ATP6V1A: variants seen among roughly 807,000 people sequenced by gnomAD.
ATP6V1A encodes ATPase H+ transporting V1 subunit A, also known as V-type proton ATPase catalytic subunit A.
ATP6V1A carries 18 observed loss-of-function variants against 70.1 expected under a neutral mutation model. The observed-to-expected ratio is 0.26, with a 90% confidence interval of 0.18 to 0.38. The LOEUF is 0.38. ATP6V1A is among the 10% of genes least tolerant of loss of function. ATP6V1A has a pLI of 1.00. For synonymous variants in ATP6V1A, 232 were observed against 253.8 expected, an observed-to-expected ratio of 0.91 and a Z score of 0.82; for missense variants, 424 against 772.4, an observed-to-expected ratio of 0.55 and a Z score of 5.35.
At chr3:113,778,142 C>A (rs1485904601) in intron 1 of ATP6V1A, among the ~76,000 whole-genome samples, 1 of 152,010 alleles carries the variant, frequency 6.6e-6, no homozygotes, top group African/African-American at 2.4e-5. Flanking sequence ...GTCTGTAGTC[C>A]CAGCACTTTG....
rs1708946714 is a variant in ATP6V1A at position 113,778,804 on chromosome 3, A to C, written c.51A>C (p.Thr17=). 1 of 1,592,830 alleles carries C rather than the reference A, an allele frequency of 6.3e-7. No individual in the cohort carries two copies. ...PKILDEDKES[T]FGYVHGVSGP... The stretch of plus-strand genomic sequence containing the variant: ...TACTCGATGAAGATAAAGAAAGCAC[A>C]TTTGGTTATGTGCATGGGGTCTCAG... The change falls in exon 2 of 15, where the codon ACA becomes ACC. Residue 17 remains threonine, a synonymous_variant. Transcript: ENST00000273398.
chr3:113,762,983 T>C (rs1324476562), intron 1 of ATP6V1A, among the ~76,000 whole-genome samples: 1 of 152,192 alleles, frequency 6.6e-6, no homozygotes, highest in Non-Finnish European at 1.5e-5. Flanking sequence ...ACCAATTTTT[T>C]CCCCATGTTT....
intron 1 of ATP6V1A, among the ~76,000 whole-genome samples, chr3:113,755,556 G>A (rs553759762): frequency 6.6e-6 from 1 of 152,214 alleles, no homozygotes; most frequent in Non-Finnish European, 1.5e-5. Context: ...AGCTGAGATC[G>A]TGCCACTGCA....
At chr3:113,778,871 C>T (rs891064579) in intron 2 of ATP6V1A, 36 bp downstream of exon 2, 1 of 1,343,354 alleles carries the variant, frequency 7.4e-7, no homozygotes, top group Non-Finnish European at 1.0e-6. Flanking sequence ...ATAAGGATAT[C>T]TAACTTTGAT....
chr3:113,755,851 G>A (rs1036796531), intron 1 of ATP6V1A, among the ~76,000 whole-genome samples: 33 of 151,866 alleles, frequency 2.2e-4, no homozygotes, highest in African/African-American at 7.5e-4. Flanking sequence ...GCACCTCTTC[G>A]TATTATTCTG....
chr3:113,769,466 T>C (rs999586802), intron 1 of ATP6V1A, among the ~76,000 whole-genome samples: 6 of 152,184 alleles, frequency 3.9e-5, no homozygotes, highest in Non-Finnish European at 8.8e-5. Context: ...AAATAATGCT[T>C]CATTATCAAT....
chr3:113,753,315 G>C (rs765611839), intron 1 of ATP6V1A, among the ~76,000 whole-genome samples: 1 of 152,180 alleles, frequency 6.6e-6, no homozygotes, highest in Non-Finnish European at 1.5e-5. Context: ...ATGTGGAGAA[G>C]GATTATCTCA....
chr3:113,769,124 T>G (rs1035649811), intron 1 of ATP6V1A, among the ~76,000 whole-genome samples: 2 of 152,252 alleles, frequency 1.3e-5, no homozygotes, highest in Non-Finnish European at 2.9e-5. Context: ...TAAGCCATTC[T>G]AATAGGATTG....
intron 1 of ATP6V1A, among the ~76,000 whole-genome samples, chr3:113,769,741 C>T (rs1460328985): frequency 6.6e-6 from 1 of 152,160 alleles, no homozygotes; most frequent in African/African-American, 2.4e-5. Flanking sequence ...GCTGATGACT[C>T]ATTAACTCAG....
chr3:113,772,976 C>T (rs1205723948), intron 1 of ATP6V1A, among the ~76,000 whole-genome samples: 1 of 113,476 alleles, frequency 8.8e-6, no homozygotes, highest in East Asian at 3.0e-4. Flanking sequence ...CTCACTCTGT[C>T]ACCCAGGCTA....
chr3:113,789,409 C>T (rs1256763645), intron 7 of ATP6V1A, among the ~76,000 whole-genome samples: 1 of 152,010 alleles, frequency 6.6e-6, no homozygotes, highest in Non-Finnish European at 1.5e-5. Context: ...GTGGTTTTTA[C>T]TTATTGAGAG....
chr3:113,805,301 A>C, intron 13 of ATP6V1A, 53 bp from the exon 14 acceptor site: 438 of 1,534,486 alleles, frequency 2.9e-4, no homozygotes, highest in Non-Finnish European at 3.6e-4. Flanking sequence ...ATAAAGTATG[A>C]ACCTGTTTTG....
intron 12 of ATP6V1A, among the ~76,000 whole-genome samples, chr3:113,799,957 C>A (rs147480881): frequency 6.6e-6 from 1 of 152,118 alleles, no homozygotes; most frequent in Non-Finnish European, 1.5e-5. Flanking sequence ...CTCAGCCAGG[C>A]GTGGTGGCTC....
At chr3:113,762,290 T>G (rs1228885792) in intron 1 of ATP6V1A, among the ~76,000 whole-genome samples, 2 of 151,362 alleles carry the variant, frequency 1.3e-5, no homozygotes, top group Non-Finnish European at 2.9e-5. Context: ...TAAAGTTGGC[T>G]GGGCACAGCA....
intron 2 of ATP6V1A, 33 bp from the exon 3 acceptor site, chr3:113,781,017 T>C (rs1477464602): frequency 1.9e-6 from 3 of 1,574,180 alleles, no homozygotes. Flanking sequence ...ACTAGAGTCT[T>C]AAGTCATCAA....
At position 113,777,794 on chromosome 3, in the gene ATP6V1A, G is replaced by T. The variant is rs557347341; in HGVS notation, c.-13-947G>T. Among the ~76,000 whole-genome samples the T allele has an allele frequency of 1.4e-4, 22 of 152,290 alleles. 3 individuals carry two copies. In the South Asian group the frequency reaches 4.4e-3, roughly 30 times the overall value. On this transcript the variant is annotated intron_variant, in intron 1 of 14. Coordinates refer to ENST00000273398, the MANE Select transcript of ATP6V1A (RefSeq NM_001690.4). The stretch of plus-strand genomic sequence containing the variant: ...GAGGTGTAGGAGCAGATACCTTGGA[G>T]AATAACATTCTAAGCAGAGGGAACA...
chr3:113,752,638 T>C (rs1324007229), intron 1 of ATP6V1A, among the ~76,000 whole-genome samples: 2 of 152,046 alleles, frequency 1.3e-5, no homozygotes, highest in Non-Finnish European at 2.9e-5. Flanking sequence ...GGTGTGTAAA[T>C]ATATTTTTAA....
chr3:113,771,999 A>G (rs762149218), intron 1 of ATP6V1A, among the ~76,000 whole-genome samples: 17 of 152,218 alleles, frequency 1.1e-4, no homozygotes, highest in Non-Finnish European at 2.5e-4. Flanking sequence ...ACCTGGATCA[A>G]TACATTTGAA....
At chr3:113,795,834 T>C (rs1709147772) in intron 10 of ATP6V1A, 42 bp from the exon 11 acceptor site, 2 of 1,497,376 alleles carry the variant, frequency 1.3e-6, no homozygotes, top group African/African-American at 1.4e-5. Context: ...GCATTTCTAA[T>C]GACCATTTTT....
Sources: gnomAD v4.1 joint callset for allele counts (sites outside exome capture counted in the v4.1 genomes callset) on GRCh38, gnomAD v4.1.1 for gene constraint, MANE v1.5 for transcripts, NCBI Gene and HGNC (gene_info 2026-07-23, HGNC 2026-07-21) for gene names.